PIAS2: variants seen among roughly 807,000 people sequenced by gnomAD.
The protein encoded by PIAS2 is protein inhibitor of activated STAT 2, also known as E3 SUMO-protein ligase PIAS2.
PIAS2 carries 19 observed loss-of-function variants against 69.7 expected under a neutral mutation model. The observed-to-expected ratio is 0.27, with a 90% confidence interval of 0.19 to 0.40. The LOEUF (loss-of-function observed/expected upper bound fraction) is 0.40. Among genes scored for constraint, PIAS2 ranks in the 10% least tolerant of loss-of-function variants. The probability of loss-of-function intolerance (pLI) is 1.00; values close to 1 mark genes in which losing one functional copy is unlikely to be tolerated. For missense variants in PIAS2, 624 were observed against 757.0 expected, an observed-to-expected ratio of 0.82 and a Z score of 2.06; for synonymous variants, 261 against 263.2, an observed-to-expected ratio of 0.99 and a Z score of 0.08.
In PIAS2 at chr18:46,846,793, G is replaced by A. The variant is rs754485101; in HGVS notation, c.775C>T (p.Arg259Cys). The change falls in exon 6 of 14, where the codon CGC becomes TGC. Residue 259 changes from arginine to cysteine, a missense_variant. By Grantham distance (180) the Arg-to-Cys change is radical. This residue lies in a region of PIAS2 where 339 missense variants were observed against 408.8 expected (regional missense o/e 0.83). Coordinates refer to ENST00000585916, the MANE Select transcript of PIAS2 (RefSeq NM_004671.5). Reference sequence around the variant, plus strand: ...ACTAAAGATGTAATATTCAAGGGGCGTCCAGGGCGCTTCTGTTCAATCCCA... The same window carrying A: ...ACTAAAGATGTAATATTCAAGGGGCATCCAGGGCGCTTCTGTTCAATCCCA... ...KNGIEQKRPG[R>C]PLNITSLVRL... is the part of the protein sequence containing the mutation. 1.3e-5 allele frequency: 21 copies of A among 1,612,536 alleles called. No individual in the cohort carries two copies. Among genetic ancestry groups the A allele is most frequent in the Admixed American group, 5.0e-5 (3 of 59,832 alleles).
intron 2 of PIAS2, among the ~76,000 whole-genome samples, chr18:46,885,683 CAA>C (rs908058011): frequency 7.9e-6 from 1 of 125,944 alleles, no homozygotes. Flanking sequence ...GACTCCGTCT[CAA>C]AAAAAAAAAA....
chr18:46,861,157 T>A (rs968359578), intron 3 of PIAS2, among the ~76,000 whole-genome samples: 2 of 151,520 alleles, frequency 1.3e-5, no homozygotes, highest in Admixed American at 6.6e-5. Flanking sequence ...AAGAATCGCT[T>A]GAACCTGGGA....
At chr18:46,901,353 G>C (rs1374437014) in intron 1 of PIAS2, 1 of 250,706 alleles carries the variant, frequency 4.0e-6, no homozygotes, top group Non-Finnish European at 8.1e-6. Context: ...ACGTTGTGGT[G>C]AGCCAGGATC....
chr18:46,874,114 C>T (rs1343001016), intron 2 of PIAS2, among the ~76,000 whole-genome samples: 2 of 152,144 alleles, frequency 1.3e-5, no homozygotes, highest in African/African-American at 4.8e-5. Context: ...AATTTATACT[C>T]TAGCAAAACA....
At chr18:46,830,158 T>C (rs1022234274) in intron 9 of PIAS2, among the ~76,000 whole-genome samples, 2 of 152,124 alleles carry the variant, frequency 1.3e-5, no homozygotes, top group Non-Finnish European at 2.9e-5. Flanking sequence ...TAGCTGAGGC[T>C]GGCAGTAAGA....
intron 1 of PIAS2, among the ~76,000 whole-genome samples, chr18:46,906,941 T>C (rs948640608): frequency 5.9e-5 from 9 of 152,006 alleles, no homozygotes; most frequent in Non-Finnish European, 1.0e-4. Context: ...TGTGAGAACT[T>C]AACAACTGAA....
chr18:46,873,208 A>G (rs963859590), intron 2 of PIAS2, among the ~76,000 whole-genome samples: 1 of 152,202 alleles, frequency 6.6e-6, no homozygotes, highest in African/African-American at 2.4e-5. Context: ...TGGCTCACCG[A>G]CTCAAGGATT....
intron 12 of PIAS2, chr18:46,818,502 T>C: frequency 6.9e-7 from 1 of 1,450,882 alleles, no homozygotes; most frequent in South Asian, 1.6e-5. Context: ...TTAAGAAATG[T>C]ATTAAAACTT....
At position 46,869,289 on chromosome 18, in the gene PIAS2, A is replaced by C. The variant is rs559973229; in HGVS notation, c.500-5041T>G. 5.8e-4 allele frequency among the ~76,000 whole-genome samples: 89 copies of C among 152,346 alleles called. 1 individual carries two copies. The South Asian group carries it at 0.018, about 31-fold the overall frequency. On this transcript the variant is annotated intron_variant, in intron 2 of 13. Transcript: ENST00000585916. The stretch of plus-strand genomic sequence containing the variant: ...GTTAAGCCTCTAGAGAAGGGAAGGC[A>C]AGAAATATCTAATACGAGGAGGGAC...
chr18:46,839,072 T>C (rs1017855321), intron 8 of PIAS2, among the ~76,000 whole-genome samples: 1 of 152,220 alleles, frequency 6.6e-6, no homozygotes, highest in African/African-American at 2.4e-5. Flanking sequence ...TCACATGTTA[T>C]TCTTTTTAAG....
chr18:46,917,759 C>T (rs971204937), upstream of PIAS2: 14 of 180,458 alleles, frequency 7.8e-5, no homozygotes, highest in Non-Finnish European at 1.5e-4. Context: ...CGGGCCTGGC[C>T]TCGGGAAGTG....
At position 46,812,101 on chromosome 18, in the gene PIAS2, T is replaced by C. The variant is rs1446514069; in HGVS notation, c.*332A>G. 2 of 168,020 alleles carry C rather than the reference T, an allele frequency of 1.2e-5. No individual in the cohort carries two copies. The highest frequency in any genetic ancestry group is 1.2e-4 in the Admixed American group (2 of 16,146). The allele number at this position is 168,020 out of a possible 1,614,324, so 10.4% of individuals were successfully genotyped here. On this transcript the variant is annotated 3_prime_UTR_variant, in exon 14 of 14. Transcript: ENST00000585916. ...AAGGTTACTTGAATATTTACATAAT[T>C]TTATTGCTCTTTATTTTAACAAAAA... is the stretch of plus-strand genomic sequence containing the variant.
intron 8 of PIAS2, among the ~76,000 whole-genome samples, chr18:46,843,121 G>C (rs1048382350): frequency 6.6e-6 from 1 of 152,148 alleles, no homozygotes; most frequent in African/African-American, 2.4e-5. Context: ...TGTGTAATTT[G>C]GGTTAGCCAA....
intron 8 of PIAS2, among the ~76,000 whole-genome samples, chr18:46,843,418 C>T (rs1238994014): frequency 6.6e-6 from 1 of 152,180 alleles, no homozygotes; most frequent in South Asian, 2.1e-4. Flanking sequence ...CCTGACCCTC[C>T]CATCTCCTCT....
chr18:46,858,763 T>G (rs772767344), intron 3 of PIAS2, among the ~76,000 whole-genome samples: 4 of 152,152 alleles, frequency 2.6e-5, no homozygotes, highest in Non-Finnish European at 5.9e-5. Flanking sequence ...CTGAGTGATA[T>G]TCACACATAA....
At chr18:46,823,653 A>G (rs982708307) in intron 11 of PIAS2, among the ~76,000 whole-genome samples, 2 of 152,208 alleles carry the variant, frequency 1.3e-5, no homozygotes, top group African/African-American at 4.8e-5. Context: ...TGAAAATCCA[A>G]TGGCGGTACA....
rs1443196027 is a variant in PIAS2, at chr18:46,807,223, G to C, written c.*5210C>G. 1 of 150,486 alleles carries C rather than the reference G, an allele frequency of 6.6e-6. No individual in the cohort carries two copies. The highest frequency in any genetic ancestry group is 2.0e-4 in the East Asian group (1 of 5,128). The allele number at this position is 150,486 out of a possible 1,614,324, so 9.3% of individuals were successfully genotyped here. On this transcript the variant is annotated 3_prime_UTR_variant, in exon 14 of 14. Coordinates refer to ENST00000585916, the MANE Select transcript of PIAS2 (RefSeq NM_004671.5). ...AGGTACAAGAGGCTTTTTTTAAAAA[G>C]TGACAAAACTTTTGAACTAAAGATG...
chr18:46,917,367 G>A lies in PIAS2; in HGVS notation c.-22C>T. 6 of 1,452,758 alleles carry A rather than the reference G, an allele frequency of 4.1e-6. No homozygotes were observed. Among genetic ancestry groups the A allele is most frequent in the South Asian group, 1.3e-5 (1 of 75,772 alleles). 90.0% of individuals were successfully genotyped at this position (1,452,758 alleles called of 1,614,324 possible). ...CCATTTTATACCACCCGCGGGCGCC[G>A]CCGCCGCTGCCGCCGCACCCACTCC... On this transcript the variant is annotated 5_prime_UTR_variant, in exon 1 of 14. Coordinates refer to ENST00000585916, the MANE Select transcript of PIAS2 (RefSeq NM_004671.5).
chr18:46,881,924 C>T (rs1270066496), intron 2 of PIAS2, among the ~76,000 whole-genome samples: 3 of 152,204 alleles, frequency 2.0e-5, no homozygotes, highest in Non-Finnish European at 4.4e-5. Flanking sequence ...TGGTGAAACC[C>T]TGTCTCTACT....
Sources: gnomAD v4.1 joint callset for allele counts (sites outside exome capture counted in the v4.1 genomes callset) on GRCh38, gnomAD v4.1.1 for gene constraint, gnomAD v4.1.1 regional missense constraint, MANE v1.5 for transcripts, NCBI Gene and HGNC (gene_info 2026-07-23, HGNC 2026-07-21) for gene names.